The following TFRC variants were observed in gnomAD, a reference collection of about 807,000 sequenced individuals.
TFRC encodes the protein transferrin receptor protein 1.
A neutral mutation model predicts 85.8 loss-of-function variants in TFRC; 35 were observed. That is an observed-to-expected ratio of 0.41 (90% CI 0.31 to 0.54). TFRC has a LOEUF of 0.54. TFRC is among the 20% of genes least tolerant of loss of function. The probability of loss-of-function intolerance (pLI) is 0.31; values close to 1 mark genes in which losing one functional copy is unlikely to be tolerated. For missense variants in TFRC, 828 were observed against 921.5 expected, an observed-to-expected ratio of 0.90 and a Z score of 1.31; for synonymous variants, 362 against 328.6, an observed-to-expected ratio of 1.10 and a Z score of -1.10.
In TFRC at chr3:196,064,843, T is replaced by C. The variant is rs564819796; in HGVS notation, c.1199-415A>G. On this transcript the variant is annotated intron_variant, in intron 10 of 18. Coordinates refer to ENST00000360110, the MANE Select transcript of TFRC (RefSeq NM_001128148.3). The stretch of plus-strand genomic sequence containing the variant: ...ACTGTATAGCCTGGCAAAAGGTTTA[T>C]TATCTGCCCCCTTAAGAAATTTGCT... Among the ~76,000 whole-genome samples, 9 of 152,384 alleles carry C rather than the reference T, an allele frequency of 5.9e-5. No individual in the cohort carries two copies. The South Asian group carries it at 1.9e-3, about 32-fold the overall frequency.
intron 4 of TFRC, chr3:196,072,849 G>A (rs1718325553): frequency 6.6e-6 from 1 of 151,834 alleles, no homozygotes; most frequent in Non-Finnish European, 1.5e-5. Context: ...AATTTGTCTA[G>A]CATGCTTTCT....
intron 7 of TFRC, 82 bp from the exon 8 acceptor site, chr3:196,068,212 C>A: frequency 4.2e-6 from 4 of 946,450 alleles, no homozygotes; most frequent in East Asian, 2.6e-5. Context: ...ATGCTAAAGG[C>A]CAAATGGTTA....
In TFRC at chr3:196,058,278, A is replaced by G; in HGVS notation, c.1677+6T>C. The G allele has an allele frequency of 6.2e-7, 1 of 1,612,714 alleles. No homozygotes were observed. The highest frequency in any genetic ancestry group is 8.5e-7 in the Non-Finnish European group (1 of 1,178,864). On this transcript the variant is annotated splice_donor_region_variant and intron_variant, in intron 16 of 18. Transcript: ENST00000360110. Reference sequence around the variant, plus strand: ...CTCCATTTGTCATTTAAATGAACAGACTTACCTCGCAAAAACAGAAAGAAA... The same window carrying G: ...CTCCATTTGTCATTTAAATGAACAGGCTTACCTCGCAAAAACAGAAAGAAA...
At chr3:196,073,870 G>T in intron 4 of TFRC, 60 bp downstream of exon 4, 1 of 1,515,330 alleles carries the variant, frequency 6.6e-7, no homozygotes. Context: ...TTGTTTCCCC[G>T]TGGCCTATCA....
intron 9 of TFRC, 41 bp from the exon 10 acceptor site, chr3:196,065,641 C>G: frequency 6.4e-7 from 1 of 1,562,508 alleles, no homozygotes. Flanking sequence ...GTTATTGTTC[C>G]TTGCCCAGGG....
At chr3:196,081,645 G>T (rs1384966486) in intron 1 of TFRC, among the ~76,000 whole-genome samples, 1 of 152,232 alleles carries the variant, frequency 6.6e-6, no homozygotes, top group Non-Finnish European at 1.5e-5. Flanking sequence ...TAGGGCCTGC[G>T]GCCTTCAAGG....
chr3:196,077,165 A>G (rs1718773435), intron 1 of TFRC, 43 bp from the exon 2 acceptor site: 2 of 1,418,976 alleles, frequency 1.4e-6, no homozygotes, highest in South Asian at 2.4e-5. Context: ...ATACTACTGT[A>G]TCAGATTAGT....
intron 9 of TFRC, among the ~76,000 whole-genome samples, chr3:196,066,009 C>G (rs1313187932): frequency 6.7e-6 from 1 of 149,382 alleles, no homozygotes; most frequent in African/African-American, 2.4e-5. Context: ...CAAAACAAAA[C>G]AAAACAAAAT....
intron 10 of TFRC, among the ~76,000 whole-genome samples, chr3:196,064,815 G>A (rs761875510): frequency 6.6e-6 from 1 of 152,222 alleles, no homozygotes; most frequent in Admixed American, 6.5e-5. Context: ...AGCTAAAAGA[G>A]AGACTGTATA....
chr3:196,070,334 C>T (rs1362455015), intron 6 of TFRC, among the ~76,000 whole-genome samples: 4 of 151,514 alleles, frequency 2.6e-5, no homozygotes, highest in Admixed American at 6.6e-5. Context: ...GCGCAATATC[C>T]GCTCACTGCA....
chr3:196,075,077 A>AAAAAAT, intron 3 of TFRC, 82 bp downstream of exon 3: 2 of 1,238,946 alleles, frequency 1.6e-6, no homozygotes, highest in Non-Finnish European at 2.3e-6. Context: ...TAAGGTACAA[A>AAAAAAT]ATAACTATAT....
At chr3:196,064,158 G>C (rs760285477) in intron 11 of TFRC, 151 bp downstream of exon 11, 1 of 821,166 alleles carries the variant, frequency 1.2e-6, no homozygotes, top group Admixed American at 3.6e-5. Flanking sequence ...GGAAAAGGCA[G>C]CTACAACAAA....
At chr3:196,072,476 T>C (rs1358895105) in intron 4 of TFRC, among the ~76,000 whole-genome samples, 1 of 152,222 alleles carries the variant, frequency 6.6e-6, no homozygotes, top group Non-Finnish European at 1.5e-5. Context: ...AGTAATACTG[T>C]GCTGAACAGA....
chr3:196,058,043 C>A (rs368365178), intron 16 of TFRC: 1 of 312,806 alleles, frequency 3.2e-6, no homozygotes, highest in East Asian at 5.4e-5. Context: ...CTAGCAACTG[C>A]CTGTCAACCT....
In TFRC at chr3:196,059,900, A is replaced by G. The variant is rs540528720; in HGVS notation, c.1536+280T>C. Among the ~76,000 whole-genome samples the G allele has an allele frequency of 7.9e-5, 12 of 152,218 alleles. No homozygotes were observed. In the South Asian group the frequency reaches 2.5e-3, roughly 32 times the overall value. The stretch of plus-strand genomic sequence containing the variant: ...CAAGTTGATTTAAGCCTTCCTTAGC[A>G]TTGTGACTCTATAGACAATCCCCTG... On this transcript the variant is annotated intron_variant, in intron 14 of 18. Coordinates refer to ENST00000360110, the MANE Select transcript of TFRC (RefSeq NM_001128148.3).
In TFRC at chr3:196,062,402, G is replaced by C. The variant is rs1717353870; in HGVS notation, c.1468+180C>G. 8.5e-6 allele frequency: 5 copies of C among 587,600 alleles called. No homozygotes were observed. In the Admixed American group the frequency reaches 9.9e-5, roughly 12 times the overall value. The allele number at this position is 587,600 out of a possible 1,614,324, so 36.4% of individuals were successfully genotyped here. A position where few individuals can be genotyped will look rare whatever the true frequency, so the allele number is the denominator to read the frequency against. The stretch of plus-strand genomic sequence containing the variant: ...CAAAAAATTAGCTGGGTGTGGTAGT[G>C]AGCACCTGTAATCCCAGCTACTCAG... On this transcript the variant is annotated intron_variant, in intron 13 of 18. Coordinates refer to ENST00000360110, the MANE Select transcript of TFRC (RefSeq NM_001128148.3).
intron 2 of TFRC, 59 bp from the exon 3 acceptor site, chr3:196,075,419 G>A (rs927059099): frequency 1.9e-5 from 30 of 1,547,040 alleles, no homozygotes; most frequent in Non-Finnish European, 2.5e-5. Flanking sequence ...GGAAAAGCTC[G>A]TTTAGGTATA....
chr3:196,077,811 C>A (rs1235518571), intron 1 of TFRC, among the ~76,000 whole-genome samples: 1 of 151,956 alleles, frequency 6.6e-6, no homozygotes, highest in Non-Finnish European at 1.5e-5. Flanking sequence ...GCAGACAAGA[C>A]CAGTTATGCT....
At chr3:196,081,761 G>GGAAGGGCCGAGAGGC (rs1719204399) in intron 1 of TFRC, 1 of 151,912 alleles carries the variant, frequency 6.6e-6, no homozygotes, top group African/African-American at 2.4e-5. Context: ...CAGAGAGAAG[G>GGAAGGGCCGAGAGGC]GAAGGGACGA....
Sources: gnomAD v4.1 joint callset for allele counts (sites outside exome capture counted in the v4.1 genomes callset) on GRCh38, gnomAD v4.1.1 for gene constraint, MANE v1.5 for transcripts, NCBI Gene and HGNC (gene_info 2026-07-23, HGNC 2026-07-21) for gene names.